Variants in PRRC2B observed in about 807,000 individuals in gnomAD.
PRRC2B encodes the protein protein PRRC2B.
A neutral mutation model predicts 242.3 loss-of-function variants in PRRC2B; 68 were observed. That is an observed-to-expected ratio of 0.28 (90% CI 0.23 to 0.34). The LOEUF is 0.34. Among genes scored for constraint, PRRC2B ranks in the 10% least tolerant of loss-of-function variants. The pLI, the probability that PRRC2B is intolerant of heterozygous loss-of-function variation, is 1.00. For synonymous variants in PRRC2B, 1,228 were observed against 1,173.6 expected (o/e 1.05, Z -0.95); for missense variants, 2,835 against 2,954.8 (o/e 0.96, Z 0.94).
chr9:131,410,468 C>T (rs779652317), intron 1 of PRRC2B, among the ~76,000 whole-genome samples: 5 of 152,206 alleles, frequency 3.3e-5, no homozygotes, highest in African/African-American at 1.2e-4. Context: ...TGGGGCCCAC[C>T]GCATGGGCCT....
chr9:131,487,100 T>C lies in PRRC2B; in HGVS notation c.5857-67T>C. On this transcript the variant is annotated intron_variant, in intron 26 of 31. Transcript: ENST00000683519. This position sits in a 1 kb window ranked among gnomAD's most constrained non-coding sequence, Gnocchi z 5.3. ...GCCATGTGGAGAGGGGCAGGGGAGG[T>C]GGGAGGGGAAGAACCACCTGGATGG... 1 of 1,486,760 alleles carries C rather than the reference T, an allele frequency of 6.7e-7. No homozygotes were observed. The highest frequency in any genetic ancestry group is 1.2e-5 in the South Asian group (1 of 86,484). 92.1% of individuals were successfully genotyped at this position (1,486,760 alleles called of 1,614,324 possible). A position where few individuals can be genotyped will look rare whatever the true frequency, so the allele number is the denominator to read the frequency against.
At chr9:131,398,161 C>T (rs141369070) in intron 1 of PRRC2B, among the ~76,000 whole-genome samples, 2 of 152,306 alleles carry the variant, frequency 1.3e-5, no homozygotes, top group Non-Finnish European at 2.9e-5. Context: ...TCAGACTGGA[C>T]CTCCTCACCT....
intron 11 of PRRC2B, among the ~76,000 whole-genome samples, chr9:131,464,462 C>T (rs765234914): frequency 6.6e-6 from 1 of 152,112 alleles, no homozygotes; most frequent in African/African-American, 2.4e-5. Context: ...TTGTCGTGTG[C>T]GGGTCGCATG....
chr9:131,476,258 G>T lies in PRRC2B; in HGVS notation c.4129G>T (p.Ala1377Ser). The T allele has an allele frequency of 6.2e-7, 1 of 1,611,522 alleles. No individual in the cohort carries two copies. The highest frequency in any genetic ancestry group is 8.5e-7 in the Non-Finnish European group (1 of 1,178,890). ...TCACGCCAATGAGGAGTGGGAGACG[G>T]CCTCCGAAAGCAGCGACTTCAGCGA... The part of the protein sequence containing the change: ...SDHANEEWET[A>S]SESSDFSERR... The change falls in exon 16 of 32, where the codon GCC (alanine) becomes TCC (serine). Residue 1377 changes from alanine (A) to serine (S), a missense_variant. Physicochemically the swap from Ala to Ser is moderately conservative, Grantham distance 99. Around this residue, in one of 7 missense-constraint regions of PRRC2B, gnomAD observed 1,536 missense variants for 1,483.1 expected, o/e 1.04. Coordinates refer to ENST00000683519, the MANE Select transcript of PRRC2B (RefSeq NM_013318.4).
At chr9:131,420,502 T>TCTTTCTTTCTTTTC (rs1564278677) in intron 1 of PRRC2B, among the ~76,000 whole-genome samples, 1 of 97,902 alleles carries the variant, frequency 1.0e-5, no homozygotes, top group Non-Finnish European at 2.1e-5. Context: ...TCTTTTTTTT[T>TCTTTCTTTCTTTTC]TTTTTTTTGA....
chr9:131,395,837 A>G (rs973000579), intron 1 of PRRC2B, among the ~76,000 whole-genome samples: 1 of 152,138 alleles, frequency 6.6e-6, no homozygotes, highest in African/African-American at 2.4e-5. Flanking sequence ...AACTTAGTAG[A>G]CCCGGAGTGT....
At chr9:131,432,554 T>G in intron 2 of PRRC2B, 63 bp from the exon 3 acceptor site, 1 of 1,474,172 alleles carries the variant, frequency 6.8e-7, no homozygotes, top group Non-Finnish European at 9.3e-7. Flanking sequence ...GCTGAATGCA[T>G]CAGGCTTCTT....
intron 5 of PRRC2B, among the ~76,000 whole-genome samples, chr9:131,443,092 G>A (rs1260635816): frequency 6.6e-6 from 1 of 151,778 alleles, no homozygotes; most frequent in African/African-American, 2.4e-5. Flanking sequence ...GTAGAAAGCA[G>A]CATTTGTTTA....
rs143099059 is a variant in PRRC2B, at chr9:131,463,669, C to T, written c.1405-1094C>T. 3.9e-4 allele frequency among the ~76,000 whole-genome samples: 52 copies of T among 131,730 alleles called. No homozygotes were observed. The East Asian group carries it at 0.012, about 30-fold the overall frequency. 86.4% of individuals were successfully genotyped at this position (131,730 alleles called of 152,430 possible). On this transcript the variant is annotated intron_variant, in intron 11 of 31. Transcript: ENST00000683519. ...TTTCTTAATGGGATCTAGCCTTGTC[C>T]CCTGGCTGGAGTGCAGTGATGTGAT...
chr9:131,475,476 C>T lies in PRRC2B; in HGVS notation c.3347C>T (p.Ala1116Val), dbSNP rs541104893. The T allele has an allele frequency of 7.0e-5, 111 of 1,589,772 alleles. No individual in the cohort carries two copies. The highest frequency in any genetic ancestry group is 8.8e-5 in the Non-Finnish European group (103 of 1,167,964). ...CGTGGCCGGGGCCTGCGAGAGTTTG[C>T]GCGGCCAGAGGACTGCCCCAGAGCC... ...SGRGRGLREF[A>V]RPEDCPRAKP... Residue 1116 changes from alanine to valine, a missense_variant, in exon 16 of 32, where the codon GCG (alanine) becomes GTG (valine). By Grantham distance (64) the Ala-to-Val change is moderately conservative. Coordinates refer to ENST00000683519, the MANE Select transcript of PRRC2B (RefSeq NM_013318.4).
rs537382270 is a variant in PRRC2B at position 131,484,630 on chromosome 9, G to A, written c.5461-56G>A. ...TCAGGAGAGCCATGGATGGGTTTGG[G>A]CAAAGCCATCTCTGCACCTGTTTGT... On this transcript the variant is annotated intron_variant, in intron 23 of 31. Coordinates refer to ENST00000683519, the MANE Select transcript of PRRC2B (RefSeq NM_013318.4). 2.0e-5 allele frequency: 29 copies of A among 1,450,062 alleles called. No individual in the cohort carries two copies. In the Admixed American group the frequency reaches 5.0e-4, roughly 25 times the overall value. The allele number at this position is 1,450,062 out of a possible 1,614,324, so 89.8% of individuals were successfully genotyped here. A position where few individuals can be genotyped will look rare whatever the true frequency, so the allele number is the denominator to read the frequency against.
Position 131,475,655 on chromosome 9 carries a change from G to A in PRRC2B, c.3526G>A (p.Asp1176Asn), listed in dbSNP as rs375106069. 1 of 1,611,110 alleles carries A rather than the reference G, an allele frequency of 6.2e-7. No homozygotes were observed. The highest frequency in any genetic ancestry group is 8.5e-7 in the Non-Finnish European group (1 of 1,178,722). ...ESTLKKGDCR[D>N]SWRSNKGCSE... is the part of the protein sequence containing the mutation. ...CACCTTGAAGAAGGGCGACTGCAGA[G>A]ATTCTTGGCGGTCCAACAAGGGGTG... The change falls in exon 16 of 32, where the codon GAT (aspartate) becomes AAT (asparagine). Residue 1176 changes from aspartate (D) to asparagine (N), a missense_variant. Physicochemically the swap from Asp to Asn is conservative, Grantham distance 23 (BLOSUM62 1). This residue lies in a region of PRRC2B where 1,536 missense variants were observed against 1,483.1 expected (regional missense o/e 1.04). Coordinates refer to ENST00000683519, the MANE Select transcript of PRRC2B (RefSeq NM_013318.4).
rs757145502 is a variant in PRRC2B, at chr9:131,475,543, C to T, written c.3414C>T (p.Gly1138=). The T allele has an allele frequency of 1.9e-6, 3 of 1,612,572 alleles. No homozygotes were observed. Residue 1138 remains glycine, a synonymous_variant, in exon 16 of 32, where the codon GGC becomes GGT. Coordinates refer to ENST00000683519, the MANE Select transcript of PRRC2B (RefSeq NM_013318.4). ...TTGCCAGTGAGACCCATAGCGAGGG[C>T]TCAGAGTATGAAGAACTTCCCAAGC... ...RRVASETHSE[G]SEYEELPKRR... is the part of the protein sequence containing the mutation.
intron 9 of PRRC2B, 143 bp downstream of exon 9, chr9:131,447,947 G>T: frequency 6.6e-6 from 5 of 753,308 alleles, no homozygotes; most frequent in Non-Finnish European, 9.7e-6. Context: ...CAGACCTGAT[G>T]CCCTCCTTCC....
intron 3 of PRRC2B, 33 bp downstream of exon 3, chr9:131,432,827 T>G: frequency 6.2e-7 from 1 of 1,609,076 alleles, no homozygotes; most frequent in East Asian, 2.2e-5. Flanking sequence ...GAGTGGGAGC[T>G]GGCGCTCCAA....
chr9:131,398,584 T>C (rs1197815088), intron 1 of PRRC2B, among the ~76,000 whole-genome samples: 1 of 152,226 alleles, frequency 6.6e-6, no homozygotes, highest in African/African-American at 2.4e-5. Flanking sequence ...TCTGTGGGGC[T>C]GCAGCAGCAG....
intron 11 of PRRC2B, among the ~76,000 whole-genome samples, chr9:131,463,793 AT>A (rs373358859): frequency 1.3e-5 from 2 of 151,430 alleles, no homozygotes; most frequent in South Asian, 4.2e-4. Context: ...TAATTTTCGT[AT>A]TTTTTTGGGG....
At chr9:131,483,076 T>C (rs1943916763) in intron 22 of PRRC2B, among the ~76,000 whole-genome samples, 169 bp downstream of exon 22, 1 of 152,134 alleles carries the variant, frequency 6.6e-6, no homozygotes, top group African/African-American at 2.4e-5. Flanking sequence ...TGGCCAGTGC[T>C]CTGTTGAGTT....
Position 131,446,461 on chromosome 9 carries a change from C to T in PRRC2B, c.674C>T (p.Thr225Ile). Residue 225 changes from threonine (T) to isoleucine (I), a missense_variant, in exon 7 of 32, where the codon ACC becomes ATC. Coordinates refer to ENST00000683519, the MANE Select transcript of PRRC2B (RefSeq NM_013318.4). This position sits in a 1 kb window ranked among gnomAD's most constrained non-coding sequence, Gnocchi z 4.1. Reference protein sequence around the residue: ...RHIISATSLSTSPTELGSRNS... With the variant: ...RHIISATSLSISPTELGSRNS... Reference sequence around the variant, plus strand: ...ATAATTTCTGCCACGTCTCTGAGCACCTCCCCAACTGAGCTGGGCAGCAGG... The same window carrying T: ...ATAATTTCTGCCACGTCTCTGAGCATCTCCCCAACTGAGCTGGGCAGCAGG... 2 of 1,613,878 alleles carry T rather than the reference C, an allele frequency of 1.2e-6. No individual in the cohort carries two copies. The highest frequency in any genetic ancestry group is 1.1e-5 in the South Asian group (1 of 91,070).
Sources: allele counts gnomAD v4.1 joint callset (sites outside exome capture counted in the v4.1 genomes callset), GRCh38; gene constraint gnomAD v4.1.1; regional missense constraint gnomAD v4.1.1; non-coding constraint Gnocchi (gnomAD v3.1); transcripts MANE v1.5; gene names NCBI Gene and HGNC (gene_info 2026-07-23, HGNC 2026-07-21).